The following YAF2 variants were observed in gnomAD, a reference collection of about 807,000 sequenced individuals.
YAF2 encodes the protein YY1-associated factor 2.
A neutral mutation model predicts 20.1 loss-of-function variants in YAF2; 7 were observed. That is an observed-to-expected ratio of 0.35 (90% CI 0.20 to 0.65). The LOEUF (loss-of-function observed/expected upper bound fraction) is 0.65. Among genes scored for constraint, YAF2 ranks in the 30% least tolerant of loss-of-function variants. The pLI is 0.69. For missense variants in YAF2, 151 were observed against 219.2 expected, an observed-to-expected ratio of 0.69 and a Z score of 1.96; for synonymous variants, 74 against 76.0, an observed-to-expected ratio of 0.97 and a Z score of 0.14.
At chr12:42,196,590 A>G (rs1465884933) in intron 2 of YAF2, among the ~76,000 whole-genome samples, 1 of 152,226 alleles carries the variant, frequency 6.6e-6, no homozygotes, top group Non-Finnish European at 1.5e-5. Flanking sequence ...TAAATAAGTA[A>G]TAAAAAGGAA....
At chr12:42,178,542 T>C (rs2066256866) in intron 2 of YAF2, among the ~76,000 whole-genome samples, 1 of 152,190 alleles carries the variant, frequency 6.6e-6, no homozygotes, top group Non-Finnish European at 1.5e-5. Context: ...ACAGCCTATG[T>C]AGACTATGAC....
At chr12:42,201,113 T>TA (rs936513546) in intron 2 of YAF2, among the ~76,000 whole-genome samples, 7 of 152,220 alleles carry the variant, frequency 4.6e-5, no homozygotes, top group Non-Finnish European at 8.8e-5. Context: ...CTCCATTGTA[T>TA]AACTATTCTA....
intron 2 of YAF2, among the ~76,000 whole-genome samples, chr12:42,228,474 TG>T (rs71084626): frequency 0.21 from 1,382 of 6,438 alleles, 212 homozygotes; most frequent in Non-Finnish European, 0.25. Flanking sequence ...GGGAGGGAGG[TG>T]GGGGGGGGGG....
intron 2 of YAF2, among the ~76,000 whole-genome samples, chr12:42,190,024 T>C (rs559063175): frequency 2.0e-5 from 3 of 152,338 alleles, no homozygotes; most frequent in African/African-American, 7.2e-5. Context: ...TACAATGCCA[T>C]AACAATTTAC....
At chr12:42,169,568 C>G (rs1282672368) in intron 2 of YAF2, among the ~76,000 whole-genome samples, 1 of 152,024 alleles carries the variant, frequency 6.6e-6, no homozygotes, top group Admixed American at 6.6e-5. Flanking sequence ...CATGCCCCAC[C>G]ACACCGGGCT....
chr12:42,188,479 G>T (rs1288417924), intron 2 of YAF2, among the ~76,000 whole-genome samples: 3 of 149,096 alleles, frequency 2.0e-5, no homozygotes, highest in African/African-American at 7.5e-5. Flanking sequence ...TCCACCTCTC[G>T]GGCTCAAGCA....
chr12:42,173,037 G>GGA (rs1247423159), intron 2 of YAF2, among the ~76,000 whole-genome samples: 2 of 151,850 alleles, frequency 1.3e-5, no homozygotes, highest in Admixed American at 6.6e-5. Flanking sequence ...CATGAGAGAG[G>GGA]GAGAGAGAGA....
chr12:42,177,827 T>C (rs1341495385), intron 2 of YAF2, among the ~76,000 whole-genome samples: 1 of 152,208 alleles, frequency 6.6e-6, no homozygotes, highest in Non-Finnish European at 1.5e-5. Context: ...CAGACCATAA[T>C]TGTAGGAGAA....
At chr12:42,236,192 T>C (rs995177077) in intron 2 of YAF2, among the ~76,000 whole-genome samples, 1 of 152,202 alleles carries the variant, frequency 6.6e-6, no homozygotes, top group Non-Finnish European at 1.5e-5. Flanking sequence ...AAGCACAAAG[T>C]ACTAACACAG....
intron 2 of YAF2, among the ~76,000 whole-genome samples, chr12:42,229,848 TG>T (rs911381392): frequency 2.6e-5 from 4 of 152,242 alleles, no homozygotes; most frequent in African/African-American, 9.6e-5. Context: ...TATCATTTTA[TG>T]GGACTGTATA....
intron 2 of YAF2, among the ~76,000 whole-genome samples, chr12:42,190,973 T>C (rs967226754): frequency 1.3e-5 from 2 of 152,136 alleles, no homozygotes; most frequent in African/African-American, 4.8e-5. Context: ...TATAACCTAT[T>C]TTAAAAAATG....
chr12:42,159,220 C>A lies in YAF2; in HGVS notation c.*1369G>T, dbSNP rs1043127060. The stretch of plus-strand genomic sequence containing the variant: ...GTTAGGGTCTACAGTTTTATTTTTT[C>A]TTCAAATGTTATCATGATGTCTTAT... On this transcript the variant is annotated 3_prime_UTR_variant, in exon 4 of 4. Coordinates refer to ENST00000534854, the MANE Select transcript of YAF2 (RefSeq NM_005748.6). 1.4e-4 allele frequency: 21 copies of A among 152,152 alleles called. No homozygotes were observed. The highest frequency in any genetic ancestry group is 2.2e-4 in the Non-Finnish European group (15 of 67,944). The allele number at this position is 152,152 out of a possible 1,614,324, so 9.4% of individuals were successfully genotyped here.
chr12:42,197,766 G>A (rs1439050809), intron 2 of YAF2, among the ~76,000 whole-genome samples: 2 of 152,152 alleles, frequency 1.3e-5, no homozygotes, highest in South Asian at 2.1e-4. Flanking sequence ...CCTTACAAGA[G>A]TAAAGTCTGA....
chr12:42,202,753 C>T (rs763454627), intron 2 of YAF2, among the ~76,000 whole-genome samples: 4 of 152,166 alleles, frequency 2.6e-5, no homozygotes, highest in Non-Finnish European at 5.9e-5. Flanking sequence ...ATTCTCCCAC[C>T]TCAGCCTCCC....
Position 42,188,479 on chromosome 12 carries a change from G to C in YAF2, c.153-26714C>G, listed in dbSNP as rs1288417924. Among the ~76,000 whole-genome samples, 3 of 149,096 alleles carry C rather than the reference G, an allele frequency of 2.0e-5. 1 individual carries two copies. The South Asian group carries it at 6.4e-4, about 32-fold the overall frequency. Reference sequence around the variant, plus strand: ...TGGCTCACTGCAAACTCCACCTCTCGGGCTCAAGCAATTCTCATGCCTCAG... The same window carrying C: ...TGGCTCACTGCAAACTCCACCTCTCCGGCTCAAGCAATTCTCATGCCTCAG... On this transcript the variant is annotated intron_variant, in intron 2 of 3. Coordinates refer to ENST00000534854, the MANE Select transcript of YAF2 (RefSeq NM_005748.6).
chr12:42,165,210 CTG>C (rs1458066798), intron 2 of YAF2, among the ~76,000 whole-genome samples: 1 of 151,542 alleles, frequency 6.6e-6, no homozygotes, highest in Non-Finnish European at 1.5e-5. Flanking sequence ...AACAAAAAAA[CTG>C]TGTGTTGTGA....
chr12:42,236,074 A>C (rs2068145346), intron 2 of YAF2: 1 of 1,500,578 alleles, frequency 6.7e-7, no homozygotes, highest in East Asian at 2.5e-5. Flanking sequence ...GGAACAACAA[A>C]AAGCAATAAT....
Position 42,160,833 on chromosome 12 carries a change from A to T in YAF2, c.306-7T>A. The T allele has an allele frequency of 6.3e-7, 1 of 1,584,928 alleles. No individual in the cohort carries two copies. The highest frequency in any genetic ancestry group is 8.6e-7 in the Non-Finnish European group (1 of 1,167,484). On this transcript the variant is annotated splice_polypyrimidine_tract_variant and splice_region_variant and intron_variant, in intron 3 of 3. Transcript: ENST00000534854. ...CACATTTTTCAATCTTGGCCTAAACATAAAAAAATGAAATTTTAAACTAGC... is the reference window on the plus strand; with the variant it reads ...CACATTTTTCAATCTTGGCCTAAACTTAAAAAAATGAAATTTTAAACTAGC...
chr12:42,166,329 G>A (rs549628141), intron 2 of YAF2, among the ~76,000 whole-genome samples: 1 of 152,290 alleles, frequency 6.6e-6, no homozygotes, highest in East Asian at 1.9e-4. Context: ...TGAAGAGACA[G>A]ACATTCTCTC....
Sources: gnomAD v4.1 joint callset for allele counts (sites outside exome capture counted in the v4.1 genomes callset) on GRCh38, gnomAD v4.1.1 for gene constraint, MANE v1.5 for transcripts, NCBI Gene and HGNC (gene_info 2026-07-23, HGNC 2026-07-21) for gene names.